Variants in GABRG3 observed in about 807,000 individuals in gnomAD.
GABRG3 encodes the protein gamma-aminobutyric acid type A receptor subunit gamma3, also known as gamma-aminobutyric acid receptor subunit gamma-3.
Under a neutral mutation model 48.8 loss-of-function variants are expected in GABRG3, and 25 were observed. That is an observed-to-expected ratio of 0.51 (90% CI 0.37 to 0.72). The LOEUF is 0.72. GABRG3 is among the 30% of genes least tolerant of loss of function. The pLI, the probability that GABRG3 is intolerant of heterozygous loss-of-function variation, is 0.00. For missense variants in GABRG3, 394 were observed against 577.9 expected (o/e 0.68, Z 3.26); for synonymous variants, 227 against 217.6 (o/e 1.04, Z -0.38).
rs189028990 is a variant in GABRG3, at chr15:27,467,926, C to T, written c.575-12724C>T. Among the ~76,000 whole-genome samples, 307 of 152,304 alleles carry T rather than the reference C, an allele frequency of 2.0e-3. 1 individual carries two copies. Among genetic ancestry groups the T allele is most frequent in the Non-Finnish European group, 2.8e-3 (191 of 68,018 alleles). The stretch of plus-strand genomic sequence containing the variant: ...CAATTCATAAGTTTTACATTGGGCA[C>T]CACACTGAGTAGTGTGATGAAGTCT... On this transcript the variant is annotated intron_variant, in intron 5 of 9. Coordinates refer to ENST00000615808, the MANE Select transcript of GABRG3 (RefSeq NM_033223.5).
intron 3 of GABRG3, among the ~76,000 whole-genome samples, chr15:27,234,811 A>G (rs1889905014): frequency 6.6e-6 from 1 of 152,214 alleles, no homozygotes; most frequent in Admixed American, 6.5e-5. Flanking sequence ...ATTAGGAAGC[A>G]AAGGGATCTA....
chr15:27,049,840 C>T (rs1036534338), intron 3 of GABRG3, among the ~76,000 whole-genome samples: 1 of 152,200 alleles, frequency 6.6e-6, no homozygotes. Context: ...GATGAAAGGT[C>T]ATATCCACCT....
At chr15:27,171,573 TATAG>T (rs1482700678) in intron 3 of GABRG3, among the ~76,000 whole-genome samples, 6 of 149,976 alleles carry the variant, frequency 4.0e-5, no homozygotes, top group Admixed American at 6.7e-5. Flanking sequence ...TATATATATA[TATAG>T]AGAGAGAGAG....
chr15:27,293,105 A>T (rs1299566685), intron 3 of GABRG3, among the ~76,000 whole-genome samples: 1 of 152,194 alleles, frequency 6.6e-6, no homozygotes, highest in African/African-American at 2.4e-5. Flanking sequence ...CTGAGGGATT[A>T]CTGACTGCTA....
intron 3 of GABRG3, among the ~76,000 whole-genome samples, chr15:27,181,465 G>C (rs1475338855): frequency 6.6e-6 from 1 of 152,136 alleles, no homozygotes; most frequent in Non-Finnish European, 1.5e-5. Flanking sequence ...CAGACTTGTG[G>C]CTGCACAGAG....
At chr15:27,423,176 C>T (rs1397778258) in intron 5 of GABRG3, among the ~76,000 whole-genome samples, 2 of 146,592 alleles carry the variant, frequency 1.4e-5, no homozygotes, top group African/African-American at 5.1e-5. Flanking sequence ...GCAAAGGAAT[C>T]CTGACAAGCT....
At chr15:27,105,126 G>A (rs1430626929) in intron 3 of GABRG3, among the ~76,000 whole-genome samples, 1 of 152,090 alleles carries the variant, frequency 6.6e-6, no homozygotes, top group Non-Finnish European at 1.5e-5. Flanking sequence ...TTAAAAGCAG[G>A]AGAAGCTATG....
intron 5 of GABRG3, among the ~76,000 whole-genome samples, chr15:27,359,116 A>G (rs1334398570): frequency 1.3e-5 from 2 of 152,110 alleles, no homozygotes; most frequent in Admixed American, 1.3e-4. Context: ...CCCTTCTCCT[A>G]TCCAGGTTTG....
At chr15:27,356,646 A>G (rs1309110944) in intron 5 of GABRG3, among the ~76,000 whole-genome samples, 2 of 152,230 alleles carry the variant, frequency 1.3e-5, no homozygotes, top group East Asian at 3.8e-4. Context: ...ATTGTTAAGG[A>G]AAAACAGGTG....
intron 3 of GABRG3, among the ~76,000 whole-genome samples, chr15:27,302,399 C>T (rs1288072588): frequency 6.6e-6 from 1 of 151,950 alleles, no homozygotes; most frequent in Non-Finnish European, 1.5e-5. Flanking sequence ...GGGACAGTTA[C>T]ACTACATAAT....
intron 5 of GABRG3, among the ~76,000 whole-genome samples, chr15:27,357,762 T>A (rs1894890041): frequency 6.6e-6 from 1 of 152,206 alleles, no homozygotes; most frequent in South Asian, 2.1e-4. Context: ...TGGATGGTGA[T>A]TTTATTAGAC....
At chr15:27,283,537 G>T (rs148519656) in intron 3 of GABRG3, among the ~76,000 whole-genome samples, 1 of 152,182 alleles carries the variant, frequency 6.6e-6, no homozygotes, top group African/African-American at 2.4e-5. Flanking sequence ...CCGGGAGGCC[G>T]CAGTTGCAGT....
intron 3 of GABRG3, among the ~76,000 whole-genome samples, chr15:27,263,553 A>G (rs1890826147): frequency 6.6e-6 from 1 of 152,184 alleles, no homozygotes; most frequent in African/African-American, 2.4e-5. Flanking sequence ...AACCCAAAAT[A>G]TTTAAAACCT....
chr15:27,176,459 CTT>C (rs1256207207), intron 3 of GABRG3, among the ~76,000 whole-genome samples: 1 of 152,214 alleles, frequency 6.6e-6, no homozygotes, highest in Non-Finnish European at 1.5e-5. Flanking sequence ...TAGGACTCTA[CTT>C]TCAAGGAGAC....
chr15:27,158,184 C>T (rs2140401515), intron 3 of GABRG3: 1 of 152,246 alleles, frequency 6.6e-6, no homozygotes, highest in East Asian at 1.9e-4. Context: ...GAGTTGAAAG[C>T]TATTTAATAC....
intron 5 of GABRG3, among the ~76,000 whole-genome samples, chr15:27,371,337 T>G (rs1162908577): frequency 6.6e-6 from 1 of 152,182 alleles, no homozygotes; most frequent in African/African-American, 2.4e-5. Flanking sequence ...GTTCCCCAGT[T>G]GTGAATGTGT....
At chr15:27,260,120 A>G (rs1890729815) in intron 3 of GABRG3, among the ~76,000 whole-genome samples, 1 of 152,138 alleles carries the variant, frequency 6.6e-6, no homozygotes, top group South Asian at 2.1e-4. Flanking sequence ...ACTAAGTACC[A>G]CAGACAGTGG....
At chr15:27,314,513 A>G (rs1893144797) in intron 3 of GABRG3, among the ~76,000 whole-genome samples, 1 of 152,208 alleles carries the variant, frequency 6.6e-6, no homozygotes, top group Non-Finnish European at 1.5e-5. Context: ...AGATTCCTCA[A>G]AAATTAAAAA....
intron 3 of GABRG3, among the ~76,000 whole-genome samples, chr15:27,128,876 AT>A (rs1897868127): frequency 6.6e-6 from 1 of 152,134 alleles, no homozygotes; most frequent in African/African-American, 2.4e-5. Flanking sequence ...TTTTTAATTG[AT>A]TTTCAGTTTT....
Sources: allele counts gnomAD v4.1 joint callset (sites outside exome capture counted in the v4.1 genomes callset), GRCh38; gene constraint gnomAD v4.1.1; transcripts MANE v1.5; gene names NCBI Gene and HGNC (gene_info 2026-07-23, HGNC 2026-07-21).